The following PTPRD variants were observed in gnomAD, a reference collection of about 807,000 sequenced individuals.
The protein encoded by PTPRD is receptor-type tyrosine-protein phosphatase delta.
A neutral mutation model predicts 214.5 loss-of-function variants in PTPRD; 34 were observed. The ratio of observed to expected loss-of-function variants is 0.16; its 90% confidence interval spans 0.12 to 0.21. The LOEUF is 0.21. Among genes scored for constraint, PTPRD ranks in the 10% least tolerant of loss-of-function variants. The pLI is 1.00. For missense variants in PTPRD, 2,545 were observed against 2,398.7 expected, an observed-to-expected ratio of 1.06 and a Z score of -1.27; for synonymous variants, 1,128 against 845.7, an observed-to-expected ratio of 1.33 and a Z score of -5.79.
intron 4 of PTPRD, among the ~76,000 whole-genome samples, chr9:10,001,094 C>G: frequency 1.3e-5 from 2 of 152,014 alleles, no homozygotes; most frequent in Non-Finnish European, 2.9e-5. Flanking sequence ...TCTTTCTTGA[C>G]TATTAAATTC....
intron 36 of PTPRD, among the ~76,000 whole-genome samples, chr9:8,404,258 A>T (rs2092741059): frequency 6.6e-6 from 1 of 151,942 alleles, no homozygotes; most frequent in Non-Finnish European, 1.5e-5. Flanking sequence ...CGTCCTGAGT[A>T]GCTGGGATTA....
intron 9 of PTPRD, among the ~76,000 whole-genome samples, chr9:9,217,392 T>G (rs1464079298): frequency 1.3e-5 from 2 of 152,164 alleles, no homozygotes; most frequent in Non-Finnish European, 2.9e-5. Context: ...AGTTGTTACT[T>G]TACCAAATCT....
At chr9:10,482,341 AG>A (rs1162075166) in intron 2 of PTPRD, among the ~76,000 whole-genome samples, 1 of 152,130 alleles carries the variant, frequency 6.6e-6, no homozygotes, top group Non-Finnish European at 1.5e-5. Context: ...ACTGCACTCC[AG>A]CCTGGGCGAC....
chr9:8,815,805 G>C (rs536604154), intron 11 of PTPRD, among the ~76,000 whole-genome samples: 1 of 152,120 alleles, frequency 6.6e-6, no homozygotes, highest in East Asian at 1.9e-4. Context: ...TAAATCAAGG[G>C]GTGAAAATGA....
chr9:9,517,906 T>A (rs544851499), intron 8 of PTPRD, among the ~76,000 whole-genome samples: 125 of 151,650 alleles, frequency 8.2e-4, no homozygotes, highest in African/African-American at 2.8e-3. Context: ...GAAACAATTG[T>A]AATAATCTTA....
chr9:9,462,353 C>G (rs779232743), intron 8 of PTPRD, among the ~76,000 whole-genome samples: 1 of 152,062 alleles, frequency 6.6e-6, no homozygotes, highest in Non-Finnish European at 1.5e-5. Flanking sequence ...TAATAGTTCT[C>G]ATTTGTCATA....
chr9:9,493,282 C>A (rs1486444636), intron 8 of PTPRD, among the ~76,000 whole-genome samples: 2 of 151,982 alleles, frequency 1.3e-5, no homozygotes, highest in Non-Finnish European at 2.9e-5. Context: ...ACTGTAGTAC[C>A]AAATTTTTAA....
At chr9:8,533,877 T>C (rs1183401428) in intron 14 of PTPRD, among the ~76,000 whole-genome samples, 2 of 152,048 alleles carry the variant, frequency 1.3e-5, no homozygotes, top group Admixed American at 6.6e-5. Flanking sequence ...ATGTCATTCA[T>C]TGAAATACCA....
At chr9:8,768,740 G>C (rs947485795) in intron 11 of PTPRD, among the ~76,000 whole-genome samples, 1 of 151,910 alleles carries the variant, frequency 6.6e-6, no homozygotes, top group Non-Finnish European at 1.5e-5. Context: ...TAAAGATATA[G>C]TCCAAAACCC....
At chr9:10,610,793 G>C (rs918249838) in intron 2 of PTPRD, among the ~76,000 whole-genome samples, 1 of 151,944 alleles carries the variant, frequency 6.6e-6, no homozygotes, top group Non-Finnish European at 1.5e-5. Context: ...CTGTTCTATT[G>C]TCCTGTCTCA....
At chr9:8,417,125 T>C (rs1487392741) in intron 35 of PTPRD, among the ~76,000 whole-genome samples, 1 of 152,164 alleles carries the variant, frequency 6.6e-6, no homozygotes, top group East Asian at 1.9e-4. Flanking sequence ...ATCCCACAGT[T>C]GTTATTGCCA....
intron 2 of PTPRD, among the ~76,000 whole-genome samples, chr9:10,349,629 GA>G (rs202240799): frequency 5.9e-5 from 9 of 151,972 alleles, no homozygotes; most frequent in African/African-American, 1.9e-4. Flanking sequence ...GTGAATACAT[GA>G]AAAAAAGTAT....
At chr9:8,934,444 TATAAATTTA>T in intron 11 of PTPRD, among the ~76,000 whole-genome samples, 1 of 39,372 alleles carries the variant, frequency 2.5e-5, no homozygotes, top group African/African-American at 1.1e-4. Flanking sequence ...TAAATATATA[TATAAATTTA>T]TATATATATA....
chr9:10,112,225 C>G (rs2098697243), intron 3 of PTPRD, among the ~76,000 whole-genome samples: 1 of 152,120 alleles, frequency 6.6e-6, no homozygotes, highest in Non-Finnish European at 1.5e-5. Flanking sequence ...AGCCGACTAG[C>G]CAGGAAGACA....
intron 10 of PTPRD, among the ~76,000 whole-genome samples, chr9:9,047,100 C>G (rs2099674128): frequency 6.6e-6 from 1 of 151,970 alleles, no homozygotes; most frequent in Non-Finnish European, 1.5e-5. Flanking sequence ...AAATCGGTAG[C>G]ATTTCTTTAT....
chr9:10,389,193 T>C (rs1349219703), intron 2 of PTPRD, among the ~76,000 whole-genome samples: 3 of 151,832 alleles, frequency 2.0e-5, no homozygotes, highest in Non-Finnish European at 4.4e-5. Flanking sequence ...AAGAGAATGG[T>C]AACCATATAA....
intron 8 of PTPRD, among the ~76,000 whole-genome samples, chr9:9,513,946 G>A (rs974987133): frequency 6.6e-6 from 1 of 152,014 alleles, no homozygotes. Context: ...GTTAAGATGG[G>A]AGCCAAGCTG....
rs144650478 is a variant in PTPRD, at chr9:10,422,259, G to A, written c.-599-81242C>T. On this transcript the variant is annotated intron_variant, in intron 2 of 45. Coordinates refer to ENST00000381196, the MANE Select transcript of PTPRD (RefSeq NM_002839.4). ...TGCTGGGAAAACTGGCTAGCCATATGTAGAAGGCTGAAACTGGATCCCTTC... is the reference window on the plus strand; with the variant it reads ...TGCTGGGAAAACTGGCTAGCCATATATAGAAGGCTGAAACTGGATCCCTTC... Among the ~76,000 whole-genome samples the A allele has an allele frequency of 1.3e-3, 197 of 152,144 alleles. 1 individual carries two copies. Among genetic ancestry groups the A allele is most frequent in the African/African-American group, 4.3e-3 (180 of 41,554 alleles).
intron 9 of PTPRD, among the ~76,000 whole-genome samples, chr9:9,232,809 G>C (rs1569564974): frequency 6.6e-6 from 1 of 152,034 alleles, no homozygotes; most frequent in African/African-American, 2.4e-5. Context: ...TCAGACCCAC[G>C]ATCCCTCTGA....
Sources: allele counts gnomAD v4.1 joint callset (sites outside exome capture counted in the v4.1 genomes callset), GRCh38; gene constraint gnomAD v4.1.1; transcripts MANE v1.5; gene names NCBI Gene and HGNC (gene_info 2026-07-23, HGNC 2026-07-21).